Variants in MLIP observed in about 807,000 individuals in gnomAD.
MLIP encodes muscular LMNA interacting protein.
In MLIP, 79 loss-of-function variants were observed where a neutral mutation model predicts 84.8. That is an observed-to-expected ratio of 0.93 (90% CI 0.78 to 1.12). The LOEUF (loss-of-function observed/expected upper bound fraction) is 1.12. Ranked by LOEUF, MLIP falls within the 50% of genes most tolerant of loss-of-function variation. MLIP has a pLI of 0.00. For synonymous variants in MLIP, 504 were observed against 463.0 expected (o/e 1.09, Z -1.14); for missense variants, 1,257 against 1,160.6 (o/e 1.08, Z -1.21).
upstream of MLIP, among the ~76,000 whole-genome samples, chr6:54,109,925 C>CTTCCTTCCTTCCTTCCTTCCTTCT (rs1197633802): frequency 5.0e-3 from 73 of 14,700 alleles, 3 homozygotes; most frequent in East Asian, 0.045. Flanking sequence ...TTCTTTCTTT[C>CTTCCTTCCTTCCTTCCTTCCTTCT]TTCCTTCCTT....
rs182044335 is a variant in MLIP at position 54,133,310 on chromosome 6, A to G, written c.646-3405A>G. Among the ~76,000 whole-genome samples the G allele has an allele frequency of 1.3e-3, 204 of 152,304 alleles. 1 individual carries two copies. Among genetic ancestry groups the G allele is most frequent in the Non-Finnish European group, 2.4e-3 (160 of 68,024 alleles). ...AGATTATTTAATGTGTTCAGGTAAGAAAGGCTGAGAATCTTCCCTGTAGCA... is the reference window on the plus strand; with the variant it reads ...AGATTATTTAATGTGTTCAGGTAAGGAAGGCTGAGAATCTTCCCTGTAGCA... On this transcript the variant is annotated intron_variant, in intron 3 of 13. Coordinates refer to ENST00000502396, the MANE Select transcript of MLIP (RefSeq NM_001281747.2).
chr6:54,265,833 A>C lies in MLIP; in HGVS notation c.2977-117A>C, dbSNP rs572322397. On this transcript the variant is annotated intron_variant, in intron 13 of 13. Coordinates refer to ENST00000502396, the MANE Select transcript of MLIP (RefSeq NM_001281747.2). ...AATAAAAATAAGCTTTTCCTATTGT[A>C]GTATAAACCATTTTTTTGTAGGAGA... 127 of 872,298 alleles carry C rather than the reference A, an allele frequency of 1.5e-4. 1 individual carries two copies. The South Asian group carries it at 2.0e-3, about 13-fold the overall frequency. The allele number at this position is 872,298 out of a possible 1,614,324, so 54.0% of individuals were successfully genotyped here. A position where few individuals can be genotyped will look rare whatever the true frequency, so the allele number is the denominator to read the frequency against.
At chr6:54,025,689 A>G (rs1025367061) in intron 1 of MLIP, among the ~76,000 whole-genome samples, 2 of 151,972 alleles carry the variant, frequency 1.3e-5, no homozygotes, top group African/African-American at 2.4e-5. Context: ...TGTCTGAGGG[A>G]CAATTTTGAT....
chr6:54,074,570 A>G (rs1352741666), intron 1 of MLIP, among the ~76,000 whole-genome samples: 1 of 152,142 alleles, frequency 6.6e-6, no homozygotes, highest in Non-Finnish European at 1.5e-5. Context: ...GTGTGGCTTA[A>G]TTTATGCAAA....
At chr6:54,071,427 A>G (rs1036502488) in intron 1 of MLIP, among the ~76,000 whole-genome samples, 2 of 152,116 alleles carry the variant, frequency 1.3e-5, no homozygotes, top group Non-Finnish European at 2.9e-5. Flanking sequence ...CTATTTTTTT[A>G]TAGCTGGAGT....
intron 4 of MLIP, among the ~76,000 whole-genome samples, chr6:54,145,375 C>T (rs903452030): frequency 5.2e-4 from 79 of 152,158 alleles, no homozygotes; most frequent in African/African-American, 1.8e-3. Flanking sequence ...ACAGTGGACT[C>T]AAAATGTGTC....
chr6:54,125,682 A>C (rs1770865156), intron 3 of MLIP, among the ~76,000 whole-genome samples: 1 of 152,204 alleles, frequency 6.6e-6, no homozygotes, highest in South Asian at 2.1e-4. Context: ...CTTTGAGAGT[A>C]GGTAGGTAGT....
In MLIP at chr6:54,063,204, G is replaced by GA. The variant is rs5876352; in HGVS notation, c.63+44128dup. The GA allele has an allele frequency of 1.9e-3, 235 of 124,682 alleles. 1 individual carries two copies. The highest frequency in any genetic ancestry group is 7.4e-3 in the East Asian group (34 of 4,590). The allele number at this position is 124,682 out of a possible 1,614,324, so 7.7% of individuals were successfully genotyped here. A position where few individuals can be genotyped will look rare whatever the true frequency, so the allele number is the denominator to read the frequency against. ...ACAACAAGAACAAAACTCTGTCTCA[G>GA]AAAAAAAAAAAAAAAGAAAAAGTTG... On this transcript the variant is annotated intron_variant, in intron 1 of 12. Transcript: ENST00000274897.
chr6:54,239,940 C>T (rs1297921831), intron 12 of MLIP, among the ~76,000 whole-genome samples: 1 of 151,960 alleles, frequency 6.6e-6, no homozygotes, highest in Non-Finnish European at 1.5e-5. Context: ...TCAGAAGTAT[C>T]CTGTTTAATC....
Position 54,265,966 on chromosome 6 carries a change from G to A in MLIP, c.*11G>A. 2 of 1,611,814 alleles carry A rather than the reference G, an allele frequency of 1.2e-6. No homozygotes were observed. The highest frequency in any genetic ancestry group is 1.7e-6 in the Non-Finnish European group (2 of 1,178,978). ...ATTTTACAGCAATGAAGTTGGAGCA[G>A]AGGCTGAAAACACAGGCTGCTGAAG... is the stretch of plus-strand genomic sequence containing the variant. On this transcript the variant is annotated 3_prime_UTR_variant, in exon 14 of 14. Transcript: ENST00000502396.
At chr6:54,234,370 A>G (rs1335201428) in intron 12 of MLIP, among the ~76,000 whole-genome samples, 1 of 152,164 alleles carries the variant, frequency 6.6e-6, no homozygotes, top group Non-Finnish European at 1.5e-5. Flanking sequence ...ATAATGAAAA[A>G]CATATAAAAG....
intron 4 of MLIP, among the ~76,000 whole-genome samples, chr6:54,141,587 G>A (rs766178071): frequency 5.3e-5 from 8 of 152,122 alleles, no homozygotes; most frequent in Non-Finnish European, 7.4e-5. Flanking sequence ...GATTACAGGC[G>A]TGAGCCACCA....
rs541889660 is a variant in MLIP, at chr6:54,173,436, G to T, written c.2544+3864G>T. 1.5e-4 allele frequency among the ~76,000 whole-genome samples: 23 copies of T among 151,970 alleles called. No individual in the cohort carries two copies. The East Asian group carries it at 1.6e-3, about 10-fold the overall frequency. On this transcript the variant is annotated intron_variant, in intron 9 of 13. Transcript: ENST00000502396. ...ATTTGGTCATATTAACATCTAAAAT[G>T]ATAGTGATTTGCTGTTTCCAGGGTT...
chr6:54,251,062 T>C (rs1185663366), intron 12 of MLIP, among the ~76,000 whole-genome samples: 1 of 152,058 alleles, frequency 6.6e-6, no homozygotes, highest in Non-Finnish European at 1.5e-5. Context: ...GTGCCTGACC[T>C]ATTAGCAGGT....
upstream of MLIP, chr6:54,111,432 C>A (rs1190125639): frequency 1.3e-6 from 2 of 1,534,824 alleles, no homozygotes; most frequent in East Asian, 2.4e-5. Context: ...ATGAGGCTCC[C>A]TTCCCACCTC....
chr6:54,248,680 T>C (rs1241395821), intron 12 of MLIP, among the ~76,000 whole-genome samples: 4 of 152,124 alleles, frequency 2.6e-5, no homozygotes, highest in African/African-American at 7.2e-5. Flanking sequence ...TCTCTTGGGA[T>C]GGAAGAGGAA....
At chr6:54,025,444 G>A (rs936720288) in intron 1 of MLIP, among the ~76,000 whole-genome samples, 9 of 152,162 alleles carry the variant, frequency 5.9e-5, no homozygotes, top group South Asian at 2.1e-4. Flanking sequence ...TAAGGTACTG[G>A]ATGTATGTAT....
At chr6:54,220,971 G>C (rs2754785) in intron 11 of MLIP, among the ~76,000 whole-genome samples, 5 of 152,318 alleles carry the variant, frequency 3.3e-5, no homozygotes, top group South Asian at 4.1e-4. Flanking sequence ...ATAAAACTCT[G>C]TTCATGAGAA....
chr6:54,036,796 G>A (rs1321592001), intron 1 of MLIP, among the ~76,000 whole-genome samples: 1 of 152,000 alleles, frequency 6.6e-6, no homozygotes, highest in Non-Finnish European at 1.5e-5. Flanking sequence ...CATGTTCATT[G>A]TGACATTATT....
Sources: gnomAD v4.1 joint callset for allele counts (sites outside exome capture counted in the v4.1 genomes callset) on GRCh38, gnomAD v4.1.1 for gene constraint, MANE v1.5 for transcripts, NCBI Gene and HGNC (gene_info 2026-07-23, HGNC 2026-07-21) for gene names.